Variants in PRKAR1B observed in about 807,000 individuals in gnomAD.
PRKAR1B encodes cAMP-dependent protein kinase type I-beta regulatory subunit.
PRKAR1B carries 22 observed loss-of-function variants against 46.5 expected under a neutral mutation model. That is an observed-to-expected ratio of 0.47 (90% CI 0.34 to 0.68). The LOEUF is 0.68. Ranked by LOEUF, PRKAR1B falls within the 30% of genes least tolerant of loss-of-function variation. PRKAR1B has a pLI of 0.01. For synonymous variants in PRKAR1B, 259 were observed against 217.7 expected (o/e 1.19, Z -1.67); for missense variants, 445 against 535.6 (o/e 0.83, Z 1.67).
rs1389279667 is a variant in PRKAR1B, at chr7:714,010, C to G, written c.-22-2483G>C. 3.3e-5 allele frequency among the ~76,000 whole-genome samples: 5 copies of G among 152,202 alleles called. No homozygotes were observed. The highest frequency in any genetic ancestry group is 7.3e-5 in the Non-Finnish European group (5 of 68,046). ...CCACAACCCACTCAGACCTCTGGCT[C>G]TCCCAGCCCTGGCCTGCCTGGAGCT... On this transcript the variant is annotated intron_variant, in intron 1 of 10. Transcript: ENST00000537384. This position sits in a 1 kb window ranked among gnomAD's most constrained non-coding sequence, Gnocchi z 4.3.
At chr7:701,956 C>T (rs368074885) in intron 2 of PRKAR1B, among the ~76,000 whole-genome samples, 4 of 152,174 alleles carry the variant, frequency 2.6e-5, no homozygotes, top group East Asian at 3.9e-4. Flanking sequence ...TGGGAAATAC[C>T]CAGGTACATC....
rs781288801 is a variant in PRKAR1B, at chr7:550,415, G to A, written c.*15C>T. 3.8e-6 allele frequency: 6 copies of A among 1,578,350 alleles called. No homozygotes were observed. The highest frequency in any genetic ancestry group is 1.2e-5 in the South Asian group (1 of 86,116). ...ACCACACTGGGGAGCTGGGGCTGCA[G>A]GGCGGGAGCTGTGCTCAGACGGTGA... On this transcript the variant is annotated 3_prime_UTR_variant, in exon 11 of 11. Coordinates refer to ENST00000537384, the MANE Select transcript of PRKAR1B (RefSeq NM_001164760.2).
At chr7:594,840 T>TC (rs1004418099) in intron 7 of PRKAR1B, among the ~76,000 whole-genome samples, 5 of 147,630 alleles carry the variant, frequency 3.4e-5, no homozygotes, top group African/African-American at 1.3e-4. Flanking sequence ...CCATGAGGAG[T>TC]CCCCCCCAGA....
intron 7 of PRKAR1B, among the ~76,000 whole-genome samples, chr7:594,385 C>A (rs1158864311): frequency 2.6e-5 from 4 of 152,158 alleles, no homozygotes; most frequent in Non-Finnish European, 5.9e-5. Flanking sequence ...ACCCCAGGCC[C>A]CGAAGGAGAG....
intron 9 of PRKAR1B, among the ~76,000 whole-genome samples, chr7:574,685 C>T (rs1345571668): frequency 6.6e-6 from 1 of 152,214 alleles, no homozygotes; most frequent in Non-Finnish European, 1.5e-5. Flanking sequence ...CTCAAGTGAT[C>T]CATCTGCCTC....
intron 9 of PRKAR1B, among the ~76,000 whole-genome samples, chr7:571,201 A>G (rs1375523126): frequency 1.1e-4 from 16 of 152,170 alleles, no homozygotes; most frequent in Non-Finnish European, 4.4e-5. Flanking sequence ...TGGCACCGGC[A>G]CTGTCCAAGA....
intron 4 of PRKAR1B, among the ~76,000 whole-genome samples, chr7:638,519 G>A (rs888585704): frequency 1.3e-5 from 2 of 152,108 alleles, no homozygotes; most frequent in Non-Finnish European, 2.9e-5. Flanking sequence ...CTCTCTCCTC[G>A]CCAGGCTCAG....
intron 9 of PRKAR1B, among the ~76,000 whole-genome samples, chr7:567,960 AGCCACACAGCAAAATGACCT>A (rs1779277943): frequency 6.6e-6 from 1 of 152,240 alleles, no homozygotes; most frequent in Non-Finnish European, 1.5e-5. Context: ...TGGTGGTGAC[AGCCACACAGCAAAATGACCT>A]GCTTAATGCC....
intron 9 of PRKAR1B, among the ~76,000 whole-genome samples, chr7:577,279 G>A (rs1012152810): frequency 6.6e-6 from 1 of 152,240 alleles, no homozygotes; most frequent in African/African-American, 2.4e-5. Flanking sequence ...AGCCCCCAGG[G>A]CAGAGAGGTG....
chr7:660,157 T>G (rs1785429488), intron 4 of PRKAR1B, among the ~76,000 whole-genome samples: 1 of 151,940 alleles, frequency 6.6e-6, no homozygotes, highest in Admixed American at 6.6e-5. Flanking sequence ...GAGGAGCCCA[T>G]GAGCCCATCC....
At chr7:634,584 T>C (rs1431366051) in intron 4 of PRKAR1B, among the ~76,000 whole-genome samples, 2 of 151,602 alleles carry the variant, frequency 1.3e-5, no homozygotes, top group Admixed American at 1.3e-4. Flanking sequence ...TCCTGCTTGT[T>C]CTTAGGAGAC....
intron 9 of PRKAR1B, among the ~76,000 whole-genome samples, chr7:561,525 C>T (rs370005648): frequency 1.5e-3 from 221 of 152,308 alleles, no homozygotes; most frequent in African/African-American, 4.9e-3. Flanking sequence ...GTGCAGGCTC[C>T]GGGTGTCTTG....
chr7:641,096 G>T (rs1394455295), intron 4 of PRKAR1B, among the ~76,000 whole-genome samples: 1 of 152,036 alleles, frequency 6.6e-6, no homozygotes, highest in African/African-American at 2.4e-5. Flanking sequence ...GGGACTACAG[G>T]TGCCCGCCAC....
chr7:584,472 C>T (rs756486399), intron 8 of PRKAR1B, 36 bp downstream of exon 8: 24 of 1,600,838 alleles, frequency 1.5e-5, no homozygotes, highest in African/African-American at 6.7e-5. Context: ...GCCCAGATGT[C>T]GGGACACACA....
chr7:651,358 T>C (rs762972714), intron 4 of PRKAR1B, among the ~76,000 whole-genome samples: 10 of 152,228 alleles, frequency 6.6e-5, no homozygotes, highest in Non-Finnish European at 1.0e-4. Flanking sequence ...ACGAGTTCCA[T>C]GTTCCTCGGA....
intron 9 of PRKAR1B, among the ~76,000 whole-genome samples, chr7:575,623 G>A (rs1779774470): frequency 6.6e-6 from 1 of 152,034 alleles, no homozygotes; most frequent in African/African-American, 2.4e-5. Flanking sequence ...ATAGCTCACT[G>A]TAGCCTTGAA....
intron 6 of PRKAR1B, among the ~76,000 whole-genome samples, chr7:605,885 G>C (rs932177304): frequency 6.6e-6 from 1 of 152,158 alleles, no homozygotes; most frequent in Non-Finnish European, 1.5e-5. Flanking sequence ...TGGAGACGGC[G>C]CTGGGTCAAA....
chr7:688,799 G>A (rs991525280), intron 2 of PRKAR1B, among the ~76,000 whole-genome samples: 6 of 152,164 alleles, frequency 3.9e-5, no homozygotes, highest in Non-Finnish European at 5.9e-5. Flanking sequence ...CCTATCTGAC[G>A]TATTTTGCGT....
intron 7 of PRKAR1B, among the ~76,000 whole-genome samples, chr7:588,591 ATGACGG>A (rs1780751271): frequency 1.5e-5 from 1 of 66,986 alleles, no homozygotes; most frequent in Non-Finnish European, 3.1e-5. Context: ...GACAGTGGTG[ATGACGG>A]TGGTGATGGT....
Sources: allele counts gnomAD v4.1 joint callset (sites outside exome capture counted in the v4.1 genomes callset), GRCh38; gene constraint gnomAD v4.1.1; non-coding constraint Gnocchi (gnomAD v3.1); transcripts MANE v1.5; gene names NCBI Gene and HGNC (gene_info 2026-07-23, HGNC 2026-07-21).